GRM7: variants seen among roughly 807,000 people sequenced by gnomAD.
GRM7 encodes the protein metabotropic glutamate receptor 7.
Under a neutral mutation model 84.5 loss-of-function variants are expected in GRM7, and 35 were observed. That is an observed-to-expected ratio of 0.41 (90% CI 0.32 to 0.55). The LOEUF (loss-of-function observed/expected upper bound fraction) is 0.55. GRM7 is among the 20% of genes least tolerant of loss of function. GRM7 has a pLI of 0.19. For synonymous variants in GRM7, 487 were observed against 455.1 expected (o/e 1.07, Z -0.89); for missense variants, 1,003 against 1,194.6 (o/e 0.84, Z 2.36).
chr3:7,335,285 A>G (rs1421000229), intron 4 of GRM7, among the ~76,000 whole-genome samples: 1 of 152,106 alleles, frequency 6.6e-6, no homozygotes, highest in Non-Finnish European at 1.5e-5. Flanking sequence ...CAAATTATGC[A>G]AATTAAGTAA....
chr3:7,211,298 A>G (rs937252691), intron 2 of GRM7, among the ~76,000 whole-genome samples: 2 of 152,224 alleles, frequency 1.3e-5, no homozygotes, highest in Admixed American at 6.5e-5. Flanking sequence ...GCTGCTTGTT[A>G]AATTTGTAGA....
At chr3:7,053,546 T>A (rs1697088288) in intron 1 of GRM7, among the ~76,000 whole-genome samples, 1 of 151,694 alleles carries the variant, frequency 6.6e-6, no homozygotes, top group Non-Finnish European at 1.5e-5. Flanking sequence ...TTTGTCAATT[T>A]TTATGTATGT....
chr3:7,058,598 T>C (rs1442423124), intron 1 of GRM7, among the ~76,000 whole-genome samples: 2 of 151,932 alleles, frequency 1.3e-5, no homozygotes, highest in Non-Finnish European at 2.9e-5. Flanking sequence ...GAAATGCTTG[T>C]TCCTCAGTGC....
At chr3:6,971,392 A>G (rs1381689760) in intron 1 of GRM7, among the ~76,000 whole-genome samples, 3 of 152,296 alleles carry the variant, frequency 2.0e-5, no homozygotes, top group East Asian at 1.9e-4. Context: ...CAATTTCCCA[A>G]TTAGTTGCCT....
intron 1 of GRM7, among the ~76,000 whole-genome samples, chr3:7,102,867 G>T (rs1289383373): frequency 6.6e-6 from 1 of 151,406 alleles, no homozygotes; most frequent in Non-Finnish European, 1.5e-5. Context: ...TATTGGTTTT[G>T]TTTTGTTTTC....
intron 1 of GRM7, among the ~76,000 whole-genome samples, chr3:6,912,601 C>A (rs993351144): frequency 1.3e-5 from 2 of 152,110 alleles, no homozygotes; most frequent in Admixed American, 1.3e-4. Context: ...GGTTGGAATG[C>A]TTTTCTGTTA....
chr3:7,609,564 C>CAGGTATGGGT (rs1187627930), intron 8 of GRM7, among the ~76,000 whole-genome samples: 1 of 151,928 alleles, frequency 6.6e-6, no homozygotes, highest in Non-Finnish European at 1.5e-5. Flanking sequence ...AGAGCAGGCA[C>CAGGTATGGGT]AGGTATGGGT....
At chr3:7,346,177 C>A (rs1364138573) in intron 4 of GRM7, among the ~76,000 whole-genome samples, 1 of 152,082 alleles carries the variant, frequency 6.6e-6, no homozygotes. Context: ...TATTCATGGG[C>A]ACTTGTCTAC....
At chr3:7,473,489 G>GGGGAGAGAGAGAGA (rs1553603707) in intron 7 of GRM7, among the ~76,000 whole-genome samples, 7 of 126,502 alleles carry the variant, frequency 5.5e-5, no homozygotes, top group African/African-American at 2.1e-4. Flanking sequence ...AAAACGAGAG[G>GGGGAGAGAGAGAGA]GAGAGAGAGA....
chr3:7,384,469 C>T (rs1210719523), intron 4 of GRM7, among the ~76,000 whole-genome samples: 1 of 151,986 alleles, frequency 6.6e-6, no homozygotes, highest in Non-Finnish European at 1.5e-5. Context: ...TCCAATAATA[C>T]ATACAAATTA....
chr3:7,403,157 T>C (rs1268522811), intron 4 of GRM7: 1 of 447,266 alleles, frequency 2.2e-6, no homozygotes, highest in African/African-American at 2.0e-5. Context: ...TCTGGCTTTC[T>C]TTCTGTCATT....
At chr3:6,869,648 AT>A in intron 1 of GRM7, among the ~76,000 whole-genome samples, 1 of 135,924 alleles carries the variant, frequency 7.4e-6, no homozygotes, top group Non-Finnish European at 1.7e-5. Flanking sequence ...AGTGAGACAG[AT>A]AGAAGGAGAG....
intron 1 of GRM7, among the ~76,000 whole-genome samples, chr3:7,075,856 T>C (rs892067688): frequency 4.6e-5 from 7 of 152,084 alleles, no homozygotes; most frequent in Non-Finnish European, 7.4e-5. Context: ...TAGGATATTC[T>C]AGAAGGAATC....
At chr3:7,633,928 G>T (rs1385065823) in intron 8 of GRM7, among the ~76,000 whole-genome samples, 1 of 152,094 alleles carries the variant, frequency 6.6e-6, no homozygotes, top group East Asian at 1.9e-4. Context: ...AACAGACATT[G>T]TTCAGCAGTT....
At chr3:6,869,360 A>C (rs1465332144) in intron 1 of GRM7, among the ~76,000 whole-genome samples, 1 of 152,204 alleles carries the variant, frequency 6.6e-6, no homozygotes, top group African/African-American at 2.4e-5. Context: ...GTATGCATGG[A>C]AATATTTTGC....
chr3:7,509,449 T>C (rs763422207), intron 7 of GRM7, among the ~76,000 whole-genome samples: 3 of 152,082 alleles, frequency 2.0e-5, no homozygotes, highest in Non-Finnish European at 2.9e-5. Context: ...TCTACTGGGG[T>C]CTTGGAATGT....
intron 9 of GRM7, chr3:7,680,697 A>G: frequency 5.5e-6 from 1 of 181,838 alleles, no homozygotes; most frequent in South Asian, 1.3e-4. Flanking sequence ...AGGATTTTGG[A>G]AGCGAAACTT....
At chr3:7,337,396 G>A (rs1701462236) in intron 4 of GRM7, among the ~76,000 whole-genome samples, 1 of 151,906 alleles carries the variant, frequency 6.6e-6, no homozygotes, top group Non-Finnish European at 1.5e-5. Flanking sequence ...ATGCAACAAA[G>A]ACAAATATAA....
At chr3:7,349,917 G>T (rs528945488) in intron 4 of GRM7, among the ~76,000 whole-genome samples, 1 of 151,566 alleles carries the variant, frequency 6.6e-6, no homozygotes, top group Non-Finnish European at 1.5e-5. Context: ...TCAAATGCTT[G>T]ATAGGCATCT....
Sources: allele counts gnomAD v4.1 joint callset (sites outside exome capture counted in the v4.1 genomes callset), GRCh38; gene constraint gnomAD v4.1.1; transcripts MANE v1.5; gene names NCBI Gene and HGNC (gene_info 2026-07-23, HGNC 2026-07-21).